The following GRID2 variants were observed in gnomAD, a reference collection of about 807,000 sequenced individuals.
The protein encoded by GRID2 is glutamate receptor ionotropic, delta-2.
In GRID2, 33 loss-of-function variants were observed where a neutral mutation model predicts 114.8. The observed-to-expected ratio is 0.29, with a 90% CI of 0.22 to 0.38. The LOEUF is 0.38. GRID2 is among the 10% of genes least tolerant of loss of function. GRID2 has a pLI of 1.00. For missense variants in GRID2, 1,184 were observed against 1,257.7 expected (o/e 0.94, Z 0.89); for synonymous variants, 505 against 449.9 (o/e 1.12, Z -1.55).
intron 2 of GRID2, among the ~76,000 whole-genome samples, chr4:92,597,693 G>A (rs1729019577): frequency 6.6e-6 from 1 of 152,088 alleles, no homozygotes; most frequent in African/African-American, 2.4e-5. Flanking sequence ...ATGTCTGTAT[G>A]TATGGTGCAT....
chr4:92,881,932 G>A (rs1746050069), intron 2 of GRID2, among the ~76,000 whole-genome samples: 1 of 152,042 alleles, frequency 6.6e-6, no homozygotes, highest in Non-Finnish European at 1.5e-5. Flanking sequence ...TTTAAATACT[G>A]TTACTAAATA....
intron 2 of GRID2, among the ~76,000 whole-genome samples, chr4:92,866,913 A>G (rs1398447390): frequency 6.6e-6 from 1 of 152,102 alleles, no homozygotes; most frequent in Admixed American, 6.5e-5. Flanking sequence ...ATTACCATAG[A>G]ATGCTAACCC....
rs181972803 is a variant in GRID2, at chr4:92,543,107, A to T, written c.89-47024A>T. 5.5e-4 allele frequency among the ~76,000 whole-genome samples: 83 copies of T among 152,264 alleles called. 1 individual carries two copies. The highest frequency in any genetic ancestry group is 1.9e-3 in the African/African-American group (79 of 41,572). On this transcript the variant is annotated intron_variant, in intron 1 of 15. Coordinates refer to ENST00000282020, the MANE Select transcript of GRID2 (RefSeq NM_001510.4). Reference sequence around the variant, plus strand: ...TGTCAGATATTATAAAGGAAGAGAGATGAATTTTCCTTGAACACTTGGAGT... The same window carrying T: ...TGTCAGATATTATAAAGGAAGAGAGTTGAATTTTCCTTGAACACTTGGAGT...
chr4:92,355,804 A>C (rs1049190423), intron 1 of GRID2, among the ~76,000 whole-genome samples: 5 of 151,842 alleles, frequency 3.3e-5, no homozygotes, highest in African/African-American at 1.2e-4. Flanking sequence ...TTGTACTTAT[A>C]GGATATCAGG....
intron 2 of GRID2, among the ~76,000 whole-genome samples, chr4:92,895,432 G>T (rs567287773): frequency 8.0e-6 from 1 of 124,406 alleles, no homozygotes; most frequent in Admixed American, 8.4e-5. Context: ...GCTTACAAGA[G>T]GTGAGGGAAA....
chr4:92,705,091 A>T (rs1354250552), intron 2 of GRID2, among the ~76,000 whole-genome samples: 1 of 152,152 alleles, frequency 6.6e-6, no homozygotes, highest in African/African-American at 2.4e-5. Flanking sequence ...GTTCTTCAGG[A>T]AAACAGCAAG....
At chr4:93,469,512 T>G (rs532045499) in intron 11 of GRID2, among the ~76,000 whole-genome samples, 3 of 152,132 alleles carry the variant, frequency 2.0e-5, no homozygotes, top group Non-Finnish European at 4.4e-5. Context: ...TAAAATCTGC[T>G]AACATTCATA....
At chr4:93,069,394 G>T (rs569688923) in intron 2 of GRID2, among the ~76,000 whole-genome samples, 1 of 151,658 alleles carries the variant, frequency 6.6e-6, no homozygotes, top group East Asian at 1.9e-4. Context: ...CACAGTGGGG[G>T]GAAAAATATC....
At chr4:93,018,428 G>A (rs1297359106) in intron 2 of GRID2, among the ~76,000 whole-genome samples, 3 of 152,146 alleles carry the variant, frequency 2.0e-5, no homozygotes, top group Non-Finnish European at 4.4e-5. Flanking sequence ...TATGCTTGGT[G>A]AGAGATGTTG....
At chr4:92,917,187 G>A (rs1324359522) in intron 2 of GRID2, among the ~76,000 whole-genome samples, 11 of 152,064 alleles carry the variant, frequency 7.2e-5, no homozygotes, top group South Asian at 2.1e-4. Context: ...CATATCCTTC[G>A]CCCACGTGGT....
At chr4:92,454,371 T>G (rs2149081677) in intron 1 of GRID2, among the ~76,000 whole-genome samples, 1 of 152,340 alleles carries the variant, frequency 6.6e-6, no homozygotes, top group South Asian at 2.1e-4. Context: ...ACAAGTTTCC[T>G]TATATAAATT....
chr4:93,382,665 G>A (rs540882433), intron 8 of GRID2, among the ~76,000 whole-genome samples: 22 of 151,876 alleles, frequency 1.4e-4, no homozygotes, highest in African/African-American at 5.3e-4. Flanking sequence ...AGTTCTTTGA[G>A]CATCTTTATT....
intron 8 of GRID2, among the ~76,000 whole-genome samples, chr4:93,269,958 A>AT (rs1751256942): frequency 6.6e-6 from 1 of 152,118 alleles, no homozygotes; most frequent in Non-Finnish European, 1.5e-5. Context: ...TGCCATAATC[A>AT]TCTCCTGTTA....
intron 13 of GRID2, among the ~76,000 whole-genome samples, chr4:93,571,346 A>G (rs1002966265): frequency 1.3e-5 from 2 of 152,112 alleles, no homozygotes; most frequent in African/African-American, 4.8e-5. Context: ...AATGCATATA[A>G]TGTATATAGT....
intron 1 of GRID2, among the ~76,000 whole-genome samples, chr4:92,588,164 T>C (rs1305339726): frequency 6.6e-6 from 1 of 152,160 alleles, no homozygotes; most frequent in Non-Finnish European, 1.5e-5. Context: ...CATATTAAAA[T>C]AATTCTTATG....
chr4:93,446,449 G>T (rs1046369665), intron 10 of GRID2, among the ~76,000 whole-genome samples: 7 of 152,058 alleles, frequency 4.6e-5, no homozygotes, highest in Admixed American at 1.3e-4. Flanking sequence ...TATGTAATCT[G>T]CCGTGCTGAT....
At chr4:92,564,393 A>T (rs964332557) in intron 1 of GRID2, among the ~76,000 whole-genome samples, 1 of 152,042 alleles carries the variant, frequency 6.6e-6, no homozygotes. Context: ...AATGGAGAAG[A>T]AAGACATATA....
intron 2 of GRID2, among the ~76,000 whole-genome samples, chr4:92,887,029 G>T (rs1342606922): frequency 2.0e-5 from 3 of 151,976 alleles, no homozygotes; most frequent in Non-Finnish European, 2.9e-5. Flanking sequence ...CAATTTCCTT[G>T]CTGTGTTTAA....
intron 2 of GRID2, among the ~76,000 whole-genome samples, chr4:92,964,081 G>C (rs1752985321): frequency 6.6e-6 from 1 of 151,970 alleles, no homozygotes; most frequent in Non-Finnish European, 1.5e-5. Context: ...TGTCATCCAA[G>C]CTTTGTTGTT....
Sources: allele counts gnomAD v4.1 joint callset (sites outside exome capture counted in the v4.1 genomes callset), GRCh38; gene constraint gnomAD v4.1.1; transcripts MANE v1.5; gene names NCBI Gene and HGNC (gene_info 2026-07-23, HGNC 2026-07-21).